The following ANKFN1 variants were observed in gnomAD, a reference collection of about 807,000 sequenced individuals.
ANKFN1 encodes the protein ankyrin repeat and fibronectin type III domain containing 1, also known as ankyrin repeat and fibronectin type-III domain-containing protein 1.
A neutral mutation model predicts 108.7 loss-of-function variants in ANKFN1; 74 were observed. The observed-to-expected ratio is 0.68, with a 90% CI of 0.56 to 0.83. The LOEUF is 0.83. Ranked by LOEUF, ANKFN1 falls within the 40% of genes least tolerant of loss-of-function variation. The pLI, the probability that ANKFN1 is intolerant of heterozygous loss-of-function variation, is 0.00. For missense variants in ANKFN1, 1,505 were observed against 1,382.3 expected (o/e 1.09, Z -1.41); for synonymous variants, 547 against 516.2 (o/e 1.06, Z -0.81).
intron 15 of ANKFN1, among the ~76,000 whole-genome samples, chr17:56,467,779 GAAAGAAAGAAAGAAGAAAGAAAGAAAGA>G (rs2050141600): frequency 1.5e-3 from 26 of 17,506 alleles, no homozygotes; most frequent in South Asian, 0.015. Context: ...AAGAAAGAAA[GAAAGAAAGAAAGAAGAAAGAAAGAAAGA>G]AAGAAAGAAA....
chr17:56,192,633 C>CA (rs1408933569), intron 1 of ANKFN1, among the ~76,000 whole-genome samples: 1 of 31,902 alleles, frequency 3.1e-5, no homozygotes, highest in East Asian at 7.7e-4. Context: ...TTTATGCAGC[C>CA]AAAAAACACA....
At chr17:56,413,341 C>G (rs887025806) in intron 8 of ANKFN1, among the ~76,000 whole-genome samples, 2 of 152,070 alleles carry the variant, frequency 1.3e-5, no homozygotes, top group Non-Finnish European at 2.9e-5. Flanking sequence ...TATGGGGTTT[C>G]CTAGATATAG....
chr17:56,160,416 T>C (rs1279823610), intron 1 of ANKFN1, among the ~76,000 whole-genome samples: 2 of 152,232 alleles, frequency 1.3e-5, no homozygotes, highest in Non-Finnish European at 2.9e-5. Flanking sequence ...TCTCTTCCTT[T>C]CTTTCTTTTT....
intron 11 of ANKFN1, among the ~76,000 whole-genome samples, chr17:56,451,207 TCTAATAAA>T (rs1317319333): frequency 1.6e-4 from 24 of 152,196 alleles, no homozygotes; most frequent in Non-Finnish European, 4.4e-5. Context: ...TATTAAAGAC[TCTAATAAA>T]CAGACATGTC....
intron 3 of ANKFN1, among the ~76,000 whole-genome samples, chr17:56,274,674 C>A (rs529119020): frequency 1.3e-4 from 20 of 152,236 alleles, no homozygotes; most frequent in Non-Finnish European, 2.5e-4. Context: ...GGCCCTCACA[C>A]CTGCGATCCT....
intron 3 of ANKFN1, among the ~76,000 whole-genome samples, chr17:56,230,307 G>A (rs1451302519): frequency 6.6e-6 from 1 of 152,218 alleles, no homozygotes; most frequent in East Asian, 1.9e-4. Context: ...GTATAATTTG[G>A]AGTATGTTAC....
intron 4 of ANKFN1, among the ~76,000 whole-genome samples, chr17:56,118,934 G>A (rs1272517713): frequency 6.6e-6 from 1 of 152,092 alleles, no homozygotes; most frequent in Non-Finnish European, 1.5e-5. Context: ...AGAAAGTGAT[G>A]CACAAAAAGG....
intron 8 of ANKFN1, among the ~76,000 whole-genome samples, chr17:56,412,925 C>A (rs555620942): frequency 6.6e-6 from 1 of 152,236 alleles, no homozygotes; most frequent in Non-Finnish European, 1.5e-5. Context: ...CTTTGTAAGT[C>A]TAAGTAAAAG....
At chr17:56,174,773 C>T (rs1458491986) in intron 1 of ANKFN1, among the ~76,000 whole-genome samples, 6 of 152,204 alleles carry the variant, frequency 3.9e-5, no homozygotes, top group Non-Finnish European at 7.3e-5. Flanking sequence ...GGAGTCCCTC[C>T]TCCCACCTTT....
chr17:56,115,463 T>C (rs943785671), intron 4 of ANKFN1, among the ~76,000 whole-genome samples: 3 of 152,164 alleles, frequency 2.0e-5, no homozygotes, highest in African/African-American at 7.2e-5. Context: ...TCTCACACAA[T>C]GAAATTATAT....
intron 1 of ANKFN1, among the ~76,000 whole-genome samples, chr17:56,190,110 T>G (rs1380205934): frequency 6.9e-6 from 1 of 145,234 alleles, no homozygotes; most frequent in Non-Finnish European, 1.5e-5. Flanking sequence ...CTTTTTTTCT[T>G]TATTAGTCTT....
At chr17:56,401,472 T>A (rs981912873) in intron 8 of ANKFN1, among the ~76,000 whole-genome samples, 1 of 152,052 alleles carries the variant, frequency 6.6e-6, no homozygotes, top group Non-Finnish European at 1.5e-5. Context: ...AGTTCTTGAT[T>A]TGATTATCTG....
chr17:56,346,583 A>G (rs560226452), intron 4 of ANKFN1, among the ~76,000 whole-genome samples: 1 of 152,096 alleles, frequency 6.6e-6, no homozygotes, highest in Admixed American at 6.6e-5. Context: ...TTTTTCTTGA[A>G]TAAAGACATC....
At chr17:56,101,194 A>G (rs758975211) in intron 4 of ANKFN1, among the ~76,000 whole-genome samples, 2 of 152,170 alleles carry the variant, frequency 1.3e-5, no homozygotes, top group Non-Finnish European at 2.9e-5. Flanking sequence ...TATGAGAAAT[A>G]AATGTCTATT....
intron 8 of ANKFN1, among the ~76,000 whole-genome samples, chr17:56,391,891 A>G (rs1311136318): frequency 1.3e-5 from 2 of 152,168 alleles, no homozygotes; most frequent in African/African-American, 2.4e-5. Flanking sequence ...ATACCCATAT[A>G]TAAAATAGGT....
chr17:56,415,070 T>A (rs2048202405), intron 8 of ANKFN1, among the ~76,000 whole-genome samples: 1 of 151,806 alleles, frequency 6.6e-6, no homozygotes, highest in Non-Finnish European at 1.5e-5. Flanking sequence ...GGAACATACC[T>A]CAACATAATA....
At chr17:56,421,376 G>A (rs1406274402) in intron 8 of ANKFN1, among the ~76,000 whole-genome samples, 2 of 152,142 alleles carry the variant, frequency 1.3e-5, no homozygotes, top group South Asian at 2.1e-4. Flanking sequence ...CTAGAAAAAG[G>A]GAGTCGGAGG....
Position 56,452,595 on chromosome 17 carries a change from GCATGTTATTACACCCAAAACT to G in ANKFN1, c.1207+3413_1207+3433del, listed in dbSNP as rs2049527478. On this transcript the variant is annotated intron_variant, in intron 11 of 20. Coordinates refer to ENST00000682825, the MANE Select transcript of ANKFN1 (RefSeq NM_001370326.1). ...AGGTCTCATATGGGCAAGACTTTCTGCATGTTATTACACCCAAAACTCATTGGCCAGAGGTGGTCACATGGC... is the reference window on the plus strand; with the variant it reads ...AGGTCTCATATGGGCAAGACTTTCTGCATTGGCCAGAGGTGGTCACATGGC... 2.0e-5 allele frequency among the ~76,000 whole-genome samples: 3 copies of G among 152,128 alleles called. No homozygotes were observed. In the South Asian group the frequency reaches 6.2e-4, roughly 31 times the overall value.
At chr17:56,401,386 G>C (rs1220168910) in intron 8 of ANKFN1, among the ~76,000 whole-genome samples, 1 of 72,530 alleles carries the variant, frequency 1.4e-5, no homozygotes, top group Non-Finnish European at 3.7e-5. Context: ...GTGTTGTGTT[G>C]TGTTGTGTTG....
Sources: gnomAD v4.1 joint callset for allele counts (sites outside exome capture counted in the v4.1 genomes callset) on GRCh38, gnomAD v4.1.1 for gene constraint, MANE v1.5 for transcripts, NCBI Gene and HGNC (gene_info 2026-07-23, HGNC 2026-07-21) for gene names.